Variants in OR1I1 observed in about 807,000 individuals in gnomAD.
The protein encoded by OR1I1 is olfactory receptor family 1 subfamily I member 1.
For missense variants in OR1I1, 451 were observed against 443.6 expected (o/e 1.02, Z -0.15); for synonymous variants, 171 against 181.4 (o/e 0.94, Z 0.46).
Position 15,087,225 on chromosome 19 carries a change from C to T in OR1I1, c.160C>T (p.His54Tyr), listed in dbSNP as rs763544864. The change falls in exon 2 of 2, where the codon CAC (histidine) becomes TAC (tyrosine). Residue 54 changes from histidine to tyrosine, a missense_variant. Transcript: ENST00000641398. ...TATCCTGGCCATCATCACGGACTCT[C>T]ACCTCCACACACCCATGTACTTCTT... Reference protein sequence around the residue: ...LIILAIITDSHLHTPMYFFLF... With the variant: ...LIILAIITDSYLHTPMYFFLF... 1 of 1,614,132 alleles carries T rather than the reference C, an allele frequency of 6.2e-7. No homozygotes were observed. The highest frequency in any genetic ancestry group is 8.5e-7 in the Non-Finnish European group (1 of 1,180,004).
In OR1I1 at chr19:15,091,624, A is replaced by G. The variant is rs1486201836; in HGVS notation, c.*3491A>G. ...CAGTGAGCCAAGGCCACGCCACTGC[A>G]CCCCAGCCTGGGTGACAGAGCGAGA... is the stretch of plus-strand genomic sequence containing the variant. On this transcript the variant is annotated 3_prime_UTR_variant, in exon 2 of 2. Coordinates refer to ENST00000641398, the MANE Select transcript of OR1I1 (RefSeq NM_001004713.2). 1 of 151,252 alleles carries G rather than the reference A, an allele frequency of 6.6e-6. No individual in the cohort carries two copies. The highest frequency in any genetic ancestry group is 1.5e-5 in the Non-Finnish European group (1 of 67,952). 9.4% of individuals were successfully genotyped at this position (151,252 alleles called of 1,614,324 possible).
In OR1I1 at chr19:15,085,159, TATATATA is replaced by T. The variant is rs1275501998; in HGVS notation, c.-13-1893_-13-1887del. Among the ~76,000 whole-genome samples, 132 of 43,824 alleles carry T rather than the reference TATATATA, an allele frequency of 3.0e-3. 7 individuals carry two copies. Among genetic ancestry groups the T allele is most frequent in the Middle Eastern group, 7.2e-3 (1 of 138 alleles). The allele number at this position is 43,824 out of a possible 152,430, so 28.8% of individuals were successfully genotyped here. On this transcript the variant is annotated intron_variant, in intron 1 of 1. Transcript: ENST00000641398. ...ATATATATATATATATATATATATA[TATATATA>T]TATATATATATTTTTTTTTTTGAGA...
Position 15,092,194 on chromosome 19 carries a change from CT to C in OR1I1, c.*4062del, listed in dbSNP as rs2046260330. 1 of 130,000 alleles carries C rather than the reference CT, an allele frequency of 7.7e-6. No homozygotes were observed. The highest frequency in any genetic ancestry group is 2.6e-4 in the South Asian group (1 of 3,874). 8.1% of individuals were successfully genotyped at this position (130,000 alleles called of 1,614,324 possible). A position where few individuals can be genotyped will look rare whatever the true frequency, so the allele number is the denominator to read the frequency against. On this transcript the variant is annotated 3_prime_UTR_variant, in exon 2 of 2. Coordinates refer to ENST00000641398, the MANE Select transcript of OR1I1 (RefSeq NM_001004713.2). ...CAGGTCCATGGCCCTTAGGTGTAATCTCCCCCTGGAAGGGCACAACAGGTGC... is the reference window on the plus strand; with the variant it reads ...CAGGTCCATGGCCCTTAGGTGTAATCCCCCCTGGAAGGGCACAACAGGTGC...
In OR1I1 at chr19:15,092,207, G is replaced by A. The variant is rs534970687; in HGVS notation, c.*4074G>A. 7.2e-6 allele frequency: 1 copy of A among 138,474 alleles called. No individual in the cohort carries two copies. Among genetic ancestry groups the A allele is most frequent in the Admixed American group, 8.2e-5 (1 of 12,186 alleles). The allele number at this position is 138,474 out of a possible 1,614,324, so 8.6% of individuals were successfully genotyped here. On this transcript the variant is annotated 3_prime_UTR_variant, in exon 2 of 2. Coordinates refer to ENST00000641398, the MANE Select transcript of OR1I1 (RefSeq NM_001004713.2). The stretch of plus-strand genomic sequence containing the variant: ...CTTAGGTGTAATCTCCCCCTGGAAG[G>A]GCACAACAGGTGCAAAGTTTCCATG...
rs2046253292 is a variant in OR1I1, at chr19:15,090,759, CTATATA to C, written c.*2630_*2635del. 6.6e-6 allele frequency: 1 copy of C among 151,904 alleles called. No homozygotes were observed. The highest frequency in any genetic ancestry group is 1.5e-5 in the Non-Finnish European group (1 of 68,040). The allele number at this position is 151,904 out of a possible 1,614,324, so 9.4% of individuals were successfully genotyped here. A position where few individuals can be genotyped will look rare whatever the true frequency, so the allele number is the denominator to read the frequency against. On this transcript the variant is annotated 3_prime_UTR_variant, in exon 2 of 2. Transcript: ENST00000641398. ...TACAGGCCTATGCCACTGCAATCAG[CTATATA>C]TATTTGTAGAGACAGGGTCTCACTA... is the stretch of plus-strand genomic sequence containing the variant.
Position 15,088,802 on chromosome 19 carries a change from T to TAGTTAGATAGATAGATAGATAGAC in OR1I1, c.*671_*672insTTAGATAGATAGATAGATAGACAG. 1.5e-5 allele frequency: 2 copies of TAGTTAGATAGATAGATAGATAGAC among 132,274 alleles called. 1 individual carries two copies. Among genetic ancestry groups the TAGTTAGATAGATAGATAGATAGAC allele is most frequent in the East Asian group, 5.0e-4 (2 of 4,034 alleles). 8.2% of individuals were successfully genotyped at this position (132,274 alleles called of 1,614,324 possible). A position where few individuals can be genotyped will look rare whatever the true frequency, so the allele number is the denominator to read the frequency against. On this transcript the variant is annotated 3_prime_UTR_variant, in exon 2 of 2. Coordinates refer to ENST00000641398, the MANE Select transcript of OR1I1 (RefSeq NM_001004713.2). ...ATAGATAGATAGATAGATAGATAGA[T>TAGTTAGATAGATAGATAGATAGAC]AGATAGATAGATAGATAGATATACA...
intron 1 of OR1I1, among the ~76,000 whole-genome samples, chr19:15,083,614 T>C (rs2046217737): frequency 1.3e-5 from 2 of 152,178 alleles, no homozygotes; most frequent in South Asian, 4.1e-4. Context: ...AACATAGGGC[T>C]TTGCTGAAGG....
At position 15,088,454 on chromosome 19, in the gene OR1I1, C is replaced by T; in HGVS notation, c.*321C>T. 1 of 293,202 alleles carries T rather than the reference C, an allele frequency of 3.4e-6. No homozygotes were observed. The highest frequency in any genetic ancestry group is 4.2e-5 in the South Asian group (1 of 23,922). The allele number at this position is 293,202 out of a possible 1,614,324, so 18.2% of individuals were successfully genotyped here. On this transcript the variant is annotated 3_prime_UTR_variant, in exon 2 of 2. Transcript: ENST00000641398. ...TCACTTGAGGCCAGGAGTTTGAGAC[C>T]AGCCTGGGCAACATACAGAGACCCT... is the stretch of plus-strand genomic sequence containing the variant.
rs1268874171 is a variant in OR1I1, at chr19:15,087,891, C to G, written c.826C>G (p.Leu276Val). Residue 276 changes from leucine (L) to valine (V), a missense_variant, in exon 2 of 2, where the codon CTA becomes GTA. Leu to Val is a conservative substitution (Grantham distance 32). Transcript: ENST00000641398. ...CTCCCAGAAGGACAAGGCAGCCGCC[C>G]TAATGTGTGGGGTGTTCATCCCCAT... ...SSSQKDKAAA[L>V]MCGVFIPMLN... The G allele has an allele frequency of 2.5e-6, 4 of 1,614,112 alleles. No homozygotes were observed. In the South Asian group the frequency reaches 4.4e-5, roughly 18 times the overall value.
chr19:15,090,520 C>G lies in OR1I1; in HGVS notation c.*2387C>G, dbSNP rs1307636748. On this transcript the variant is annotated 3_prime_UTR_variant, in exon 2 of 2. Transcript: ENST00000641398. ...TGGCCCAACACCTTGATCTCGGACT[C>G]TTAACCTCCAGAACTGTAAGACAAC... is the stretch of plus-strand genomic sequence containing the variant. 1 of 152,024 alleles carries G rather than the reference C, an allele frequency of 6.6e-6. No individual in the cohort carries two copies. Among genetic ancestry groups the G allele is most frequent in the African/African-American group, 2.4e-5 (1 of 41,408 alleles). The allele number at this position is 152,024 out of a possible 1,614,324, so 9.4% of individuals were successfully genotyped here.
intron 1 of OR1I1, among the ~76,000 whole-genome samples, chr19:15,084,186 G>A (rs7256483): frequency 0.064 from 9,781 of 152,208 alleles, 934 homozygotes; most frequent in African/African-American, 0.21. Context: ...CTGGCAGCTC[G>A]CTCAGCCCCA....
intron 1 of OR1I1, among the ~76,000 whole-genome samples, chr19:15,086,747 G>C (rs1457541467): frequency 6.6e-6 from 1 of 152,036 alleles, no homozygotes; most frequent in African/African-American, 2.4e-5. Flanking sequence ...CGGGCCACTT[G>C]GTTTTGTTTT....
rs538479070 is a variant in OR1I1, at chr19:15,089,730, G to A, written c.*1597G>A. 4 of 152,150 alleles carry A rather than the reference G, an allele frequency of 2.6e-5. No homozygotes were observed. Among genetic ancestry groups the A allele is most frequent in the South Asian group, 4.2e-4 (2 of 4,810 alleles). The allele number at this position is 152,150 out of a possible 1,614,324, so 9.4% of individuals were successfully genotyped here. A position where few individuals can be genotyped will look rare whatever the true frequency, so the allele number is the denominator to read the frequency against. ...TGTGCACCTGTCATCTTAGTTACTC[G>A]GGAGGCTGAGACAGGAGGACCTCTT... On this transcript the variant is annotated 3_prime_UTR_variant, in exon 2 of 2. Transcript: ENST00000641398.
At chr19:15,083,427 G>T (rs1197777758) in intron 1 of OR1I1, among the ~76,000 whole-genome samples, 1 of 152,100 alleles carries the variant, frequency 6.6e-6, no homozygotes, top group Non-Finnish European at 1.5e-5. Context: ...CCTTCCAGGT[G>T]ACCCTGAAGC....
Position 15,087,086 on chromosome 19 carries a change from C to A in OR1I1, c.21C>A (p.Thr7=), listed in dbSNP as rs201185319. Residue 7 remains threonine (T), a synonymous_variant, in exon 2 of 2, where the codon ACC becomes ACA. Coordinates refer to ENST00000641398, the MANE Select transcript of OR1I1 (RefSeq NM_001004713.2). ...CATACATGGAACCAGAAAAGCAAAC[C>A]GAAATCTCAGAATTCTTCCTCCAGG... MEPEKQ[T]EISEFFLQGL... 2 of 1,612,174 alleles carry A rather than the reference C, an allele frequency of 1.2e-6. No individual in the cohort carries two copies. Among genetic ancestry groups the A allele is most frequent in the East Asian group, 2.2e-5 (1 of 44,874 alleles).
rs1402442672 is a variant in OR1I1 at position 15,087,459 on chromosome 19, T to C, written c.394T>C (p.Tyr132His). ...CGTGGCCATTGTCCACCCACAGCGT[T>C]ACTTGGTTCTCATGTGCTCCCCTGT... ...RFVAIVHPQRYLVLMCSPVCG... is the reference protein window; with the variant it reads ...RFVAIVHPQRHLVLMCSPVCG... Residue 132 changes from tyrosine to histidine, a missense_variant, in exon 2 of 2, where the codon TAC becomes CAC. Transcript: ENST00000641398. 1.2e-6 allele frequency: 2 copies of C among 1,614,036 alleles called. No homozygotes were observed. The highest frequency in any genetic ancestry group is 1.7e-6 in the Non-Finnish European group (2 of 1,180,002).
rs1017945726 is a variant in OR1I1, at chr19:15,088,900, TGACA to T, written c.*774_*777del. On this transcript the variant is annotated 3_prime_UTR_variant, in exon 2 of 2. Coordinates refer to ENST00000641398, the MANE Select transcript of OR1I1 (RefSeq NM_001004713.2). ...TCAACCGATCGATAGATCTATCTATTGACAGACAGATAGATGATTGATTGATAGA... is the reference window on the plus strand; with the variant it reads ...TCAACCGATCGATAGATCTATCTATTGACAGATAGATGATTGATTGATAGA... 2.1e-5 allele frequency: 3 copies of T among 141,496 alleles called. No homozygotes were observed. Among genetic ancestry groups the T allele is most frequent in the African/African-American group, 5.0e-5 (2 of 40,170 alleles). The allele number at this position is 141,496 out of a possible 1,614,324, so 8.8% of individuals were successfully genotyped here.
At chr19:15,086,825 G>A (rs964534325) in intron 1 of OR1I1, among the ~76,000 whole-genome samples, 2 of 152,110 alleles carry the variant, frequency 1.3e-5, no homozygotes, top group Non-Finnish European at 2.9e-5. Context: ...GACTATGAGC[G>A]ACTCCGTTAG....
In OR1I1 at chr19:15,082,287, C is replaced by G. The variant is rs139519023; in HGVS notation, c.-14+11C>G. The G allele has an allele frequency of 0.011, 1,653 of 152,298 alleles. 15 individuals are homozygous for G. Among genetic ancestry groups the G allele is most frequent in the Middle Eastern group, 0.02 (6 of 298 alleles). The allele number at this position is 152,298 out of a possible 1,614,324, so 9.4% of individuals were successfully genotyped here. Reference sequence around the variant, plus strand: ...CCCCAGCGATCACAGGTGAGTAGCCCCCATGCCCTTCCTAGGGGTTTAGTG... The same window carrying G: ...CCCCAGCGATCACAGGTGAGTAGCCGCCATGCCCTTCCTAGGGGTTTAGTG... On this transcript the variant is annotated intron_variant, in intron 1 of 1. Transcript: ENST00000641398.
Sources: gnomAD v4.1 joint callset for allele counts (sites outside exome capture counted in the v4.1 genomes callset) on GRCh38, gnomAD v4.1.1 for gene constraint, MANE v1.5 for transcripts, NCBI Gene and HGNC (gene_info 2026-07-23, HGNC 2026-07-21) for gene names.